The following APOL1 variants were observed in gnomAD, a reference collection of about 807,000 sequenced individuals.
APOL1 encodes apolipoprotein L 1.
APOL1 carries 17 observed loss-of-function variants against 14.9 expected under a neutral mutation model. The observed-to-expected ratio is 1.14, with a 90% CI of 0.78 to 1.71. The LOEUF is 1.71. Ranked by LOEUF, APOL1 falls within the 40% of genes most tolerant of loss-of-function variation. The pLI is 0.00. For synonymous variants in APOL1, 195 were observed against 184.8 expected (o/e 1.05, Z -0.45); for missense variants, 523 against 485.9 (o/e 1.08, Z -0.72).
intron 5 of APOL1, 92 bp from the exon 6 acceptor site, chr22:36,265,059 C>T (rs2016191127): frequency 2.7e-6 from 4 of 1,497,668 alleles, no homozygotes; most frequent in East Asian, 4.5e-5. Context: ...GATCCACCCG[C>T]CTTGGCCTCC....
intron 4 of APOL1, chr22:36,257,694 AGC>A: frequency 2.5e-5 from 5 of 201,030 alleles, no homozygotes; most frequent in Non-Finnish European, 3.8e-5. Flanking sequence ...AAGTGGAATC[AGC>A]GGGGGGGGGG....
At chr22:36,257,780 T>G (rs969564035) in intron 4 of APOL1, among the ~76,000 whole-genome samples, 1 of 151,632 alleles carries the variant, frequency 6.6e-6, no homozygotes, top group Non-Finnish European at 1.5e-5. Flanking sequence ...CCCCGACCTG[T>G]CACCTCCCGC....
chr22:36,259,481 G>C (rs1396808272), intron 4 of APOL1, among the ~76,000 whole-genome samples: 1 of 152,188 alleles, frequency 6.6e-6, no homozygotes. Context: ...AACCAAGTCA[G>C]CTCTGCTCAG....
At chr22:36,265,052 C>T (rs1050995930) in intron 5 of APOL1, 99 bp from the exon 6 acceptor site, 4 of 1,439,672 alleles carry the variant, frequency 2.8e-6, no homozygotes, top group African/African-American at 2.8e-5. Context: ...ACCTTGTGAT[C>T]CACCCGCCTT....
chr22:36,264,961 A>G (rs995951203), intron 5 of APOL1, among the ~76,000 whole-genome samples, 190 bp from the exon 6 acceptor site: 23 of 151,750 alleles, frequency 1.5e-4, no homozygotes, highest in African/African-American at 5.6e-4. Flanking sequence ...ACAGGCGCCC[A>G]CCACCACGCC....
intron 4 of APOL1, among the ~76,000 whole-genome samples, chr22:36,259,061 C>A (rs921421587): frequency 1.5e-4 from 23 of 152,158 alleles, no homozygotes; most frequent in African/African-American, 5.6e-4. Context: ...TCTGTGACCT[C>A]CCAGTATCCA....
Position 36,266,556 on chromosome 22 carries a change from A to C in APOL1, c.*523A>C. The C allele has an allele frequency of 2.5e-6, 1 of 399,596 alleles. No individual in the cohort carries two copies. Among genetic ancestry groups the C allele is most frequent in the Non-Finnish European group, 4.4e-6 (1 of 226,920 alleles). 24.8% of individuals were successfully genotyped at this position (399,596 alleles called of 1,614,324 possible). A position where few individuals can be genotyped will look rare whatever the true frequency, so the allele number is the denominator to read the frequency against. ...AACATTGGAGCCTGCAATAAGGGAA[A>C]AATGGGAACTGGAGAGTGTGGGGAA... On this transcript the variant is annotated 3_prime_UTR_variant, in exon 6 of 6. Transcript: ENST00000397278.
intron 5 of APOL1, among the ~76,000 whole-genome samples, chr22:36,264,686 A>G (rs1482812245): frequency 6.6e-6 from 1 of 152,070 alleles, no homozygotes; most frequent in Non-Finnish European, 1.5e-5. Flanking sequence ...AATGTGTTTG[A>G]GTTTGAAAGA....
At chr22:36,260,868 T>G (rs1278730897) in intron 4 of APOL1, among the ~76,000 whole-genome samples, 1 of 152,254 alleles carries the variant, frequency 6.6e-6, no homozygotes, top group Non-Finnish European at 1.5e-5. Flanking sequence ...ATTTTCAAAT[T>G]GATTTTCTTT....
intron 2 of APOL1, among the ~76,000 whole-genome samples, chr22:36,255,658 T>C (rs2015849246): frequency 6.7e-6 from 1 of 149,936 alleles, no homozygotes; most frequent in Non-Finnish European, 1.5e-5. Context: ...GGCTTTAGTA[T>C]GAGAGCTGGA....
chr22:36,261,386 G>C lies in APOL1; in HGVS notation c.188-210G>C, dbSNP rs136161. The stretch of plus-strand genomic sequence containing the variant: ...TTCAGTCTTAATTGCTTCCTTAAAG[G>C]CCAGATCTCCAAATGTAGTCACCTG... On this transcript the variant is annotated intron_variant, in intron 4 of 5. Transcript: ENST00000397278. 0.52 allele frequency among the ~76,000 whole-genome samples: 79,426 copies of C among 151,858 alleles called. 22,893 individuals are homozygous for C. The highest frequency in any genetic ancestry group is 0.76 in the East Asian group (3,904 of 5,166).
In APOL1 at chr22:36,265,645, G is replaced by A. The variant is rs73403889; in HGVS notation, c.809G>A (p.Gly270Asp). The A allele has an allele frequency of 8.1e-4, 1,295 of 1,597,768 alleles. 3 individuals are homozygous for A. In the African/African-American group the frequency reaches 0.011, roughly 13 times the overall value. Residue 270 changes from glycine to aspartate, a missense_variant, in exon 6 of 6, where the codon GGC (glycine) becomes GAC (aspartate). Gly to Asp is a moderately conservative substitution (Grantham distance 94). Transcript: ENST00000397278. The stretch of plus-strand genomic sequence containing the variant: ...ATATCCAACTTTCTTTCCTTAGCTG[G>A]CAATACTTACCAACTCACACGAGGC... ...ENISNFLSLA[G>D]NTYQLTRGIG...
At position 36,253,185 on chromosome 22, in the gene APOL1, A is replaced by G. The variant is rs2015742874; in HGVS notation, c.-54A>G. On this transcript the variant is annotated 5_prime_UTR_variant, in exon 1 of 6. Coordinates refer to ENST00000397278, the MANE Select transcript of APOL1 (RefSeq NM_003661.4). ...GATCCACACAGCTCAGAACAGCTGGATCTTGCTCAGTCTCTGCCAGGGGAA... is the reference window on the plus strand; with the variant it reads ...GATCCACACAGCTCAGAACAGCTGGGTCTTGCTCAGTCTCTGCCAGGGGAA... The G allele has an allele frequency of 6.0e-6, 3 of 502,402 alleles. No individual in the cohort carries two copies. The highest frequency in any genetic ancestry group is 1.2e-5 in the Non-Finnish European group (3 of 251,886). The allele number at this position is 502,402 out of a possible 1,614,324, so 31.1% of individuals were successfully genotyped here.
At position 36,259,616 on chromosome 22, in the gene APOL1, G is replaced by A. The variant is rs957110569; in HGVS notation, c.188-1980G>A. The A allele has an allele frequency of 1.0e-5, 13 of 1,255,766 alleles. No homozygotes were observed. In the South Asian group the frequency reaches 1.3e-4, roughly 13 times the overall value. The allele number at this position is 1,255,766 out of a possible 1,614,324, so 77.8% of individuals were successfully genotyped here. On this transcript the variant is annotated intron_variant, in intron 4 of 5. Transcript: ENST00000397278. ...ATCCTTACGAAGGGCTGGGCTGGGG[G>A]ACTGAGGAAAAACTCTCCCCCCAAA...
intron 1 of APOL1, among the ~76,000 whole-genome samples, chr22:36,253,465 C>T (rs376725245): frequency 2.2e-4 from 33 of 152,250 alleles, no homozygotes; most frequent in African/African-American, 2.9e-4. Context: ...TGCTGAGACA[C>T]GACTGAGTGA....
intron 2 of APOL1, 58 bp downstream of exon 2, chr22:36,255,057 A>T: frequency 6.4e-7 from 1 of 1,569,446 alleles, no homozygotes; most frequent in Non-Finnish European, 8.8e-7. Context: ...GGGCTGCACA[A>T]TTGGACTGGG....
intron 2 of APOL1, among the ~76,000 whole-genome samples, chr22:36,256,465 TAGGGAAAGACAGCAGAGGGGAC>T (rs2015882542): frequency 6.6e-6 from 1 of 152,184 alleles, no homozygotes; most frequent in South Asian, 2.1e-4. Context: ...GTCCATCAGC[TAGGGAAAGACAGCAGAGGGGAC>T]AGGGCAGCAC....
At chr22:36,259,745 A>G (rs753104017) in intron 4 of APOL1, 2 of 1,304,238 alleles carry the variant, frequency 1.5e-6, no homozygotes, top group South Asian at 1.2e-5. Flanking sequence ...GGCAACATGG[A>G]GGTGCCTCAA....
intron 4 of APOL1, among the ~76,000 whole-genome samples, chr22:36,259,007 T>C (rs1205631199): frequency 6.6e-6 from 1 of 152,172 alleles, no homozygotes; most frequent in Non-Finnish European, 1.5e-5. Flanking sequence ...AGCAACTCCT[T>C]CTGTGTCTGT....
Sources: allele counts gnomAD v4.1 joint callset (sites outside exome capture counted in the v4.1 genomes callset), GRCh38; gene constraint gnomAD v4.1.1; transcripts MANE v1.5; gene names NCBI Gene and HGNC (gene_info 2026-07-23, HGNC 2026-07-21).